SH3RF3: variants seen among roughly 807,000 people sequenced by gnomAD.
SH3RF3 encodes the protein SH3 domain containing ring finger 3, also known as E3 ubiquitin-protein ligase SH3RF3.
SH3RF3 carries 29 observed loss-of-function variants against 66.3 expected under a neutral mutation model. The observed-to-expected ratio is 0.44, with a 90% CI of 0.33 to 0.60. SH3RF3 has a LOEUF of 0.60. Among genes scored for constraint, SH3RF3 ranks in the 20% least tolerant of loss-of-function variants. The probability of loss-of-function intolerance (pLI) is 0.04; values close to 1 mark genes in which losing one functional copy is unlikely to be tolerated. For missense variants in SH3RF3, 1,194 were observed against 1,190.9 expected, an observed-to-expected ratio of 1.00 and a Z score of -0.04; for synonymous variants, 583 against 532.0, an observed-to-expected ratio of 1.10 and a Z score of -1.32.
chr2:109,233,992 T>C lies in SH3RF3; in HGVS notation c.573+103879T>C, dbSNP rs72952049. On this transcript the variant is annotated intron_variant, in intron 1 of 9. Transcript: ENST00000309415. Reference sequence around the variant, plus strand: ...AATTGTTTCCAGTTTTTGGCAGTCATTGATAAAGCCACAGTAAACATTGAC... The same window carrying C: ...AATTGTTTCCAGTTTTTGGCAGTCACTGATAAAGCCACAGTAAACATTGAC... 8.8e-3 allele frequency among the ~76,000 whole-genome samples: 1,346 copies of C among 152,352 alleles called. 16 individuals carry two copies. Among genetic ancestry groups the C allele is most frequent in the African/African-American group, 0.031 (1,287 of 41,582 alleles).
intron 1 of SH3RF3, among the ~76,000 whole-genome samples, chr2:109,312,807 C>T (rs527642646): frequency 2.4e-4 from 36 of 152,296 alleles, no homozygotes; most frequent in African/African-American, 7.9e-4. Context: ...CCTTTTGGCT[C>T]TTGTGGGTAG....
At chr2:109,267,790 G>A (rs369560886) in intron 1 of SH3RF3, among the ~76,000 whole-genome samples, 16 of 152,156 alleles carry the variant, frequency 1.1e-4, no homozygotes, top group Non-Finnish European at 8.8e-5. Context: ...GAGCGAGGCC[G>A]AGTCAAGCCC....
intron 1 of SH3RF3, among the ~76,000 whole-genome samples, chr2:109,237,572 C>CT (rs1226441934): frequency 5.9e-5 from 9 of 152,316 alleles, no homozygotes; most frequent in Non-Finnish European, 2.9e-5. Context: ...AATTCGCAAA[C>CT]TTTCTTAAAA....
intron 1 of SH3RF3, among the ~76,000 whole-genome samples, chr2:109,337,511 G>A (rs923037437): frequency 2.6e-5 from 4 of 152,210 alleles, no homozygotes; most frequent in Non-Finnish European, 4.4e-5. Flanking sequence ...GAGTCCTGGA[G>A]GCACCCCCGG....
chr2:109,191,737 C>G (rs1231912293), intron 1 of SH3RF3, among the ~76,000 whole-genome samples: 2 of 152,130 alleles, frequency 1.3e-5, no homozygotes, highest in Non-Finnish European at 2.9e-5. Flanking sequence ...GAGGGGAAGC[C>G]CTGAGCCAGG....
intron 1 of SH3RF3, among the ~76,000 whole-genome samples, chr2:109,217,334 C>T (rs1345230901): frequency 1.3e-5 from 2 of 152,130 alleles, no homozygotes; most frequent in Admixed American, 6.5e-5. Context: ...TTTGTAGATA[C>T]GTATTTGGAA....
chr2:109,459,904 G>A (rs564141559), intron 8 of SH3RF3, among the ~76,000 whole-genome samples: 3 of 152,190 alleles, frequency 2.0e-5, no homozygotes, highest in Non-Finnish European at 4.4e-5. Flanking sequence ...CATGAGTCCT[G>A]GCTGTAGGAG....
At chr2:109,424,026 A>C (rs1032344267) in intron 5 of SH3RF3, among the ~76,000 whole-genome samples, 1 of 152,168 alleles carries the variant, frequency 6.6e-6, no homozygotes, top group Non-Finnish European at 1.5e-5. Flanking sequence ...GTTGCAGTGG[A>C]GGGAAGGAGC....
intron 1 of SH3RF3, among the ~76,000 whole-genome samples, chr2:109,255,393 G>A (rs1215273206): frequency 6.6e-6 from 1 of 152,150 alleles, no homozygotes; most frequent in Non-Finnish European, 1.5e-5. Context: ...CCACCACCAG[G>A]GAATGTCTGG....
chr2:109,133,173 G>A (rs1676736277), intron 1 of SH3RF3, among the ~76,000 whole-genome samples: 1 of 152,182 alleles, frequency 6.6e-6, no homozygotes, highest in Admixed American at 6.5e-5. Context: ...AATTCTGTGA[G>A]GGTTACAAGG....
At chr2:109,377,486 G>A (rs941242282) in intron 3 of SH3RF3, among the ~76,000 whole-genome samples, 6 of 152,178 alleles carry the variant, frequency 3.9e-5, no homozygotes, top group African/African-American at 1.4e-4. Flanking sequence ...ACTCTGTGAC[G>A]CCAGACCCAA....
chr2:109,503,807 G>A lies in SH3RF3; in HGVS notation c.*2136G>A, dbSNP rs1271269303. On this transcript the variant is annotated 3_prime_UTR_variant, in exon 10 of 10. Transcript: ENST00000309415. ...GAACGTTCTTACTCTCCCAGGCATGGCCCACGTGGTGCTTCAGGTAGAAAT... is the reference window on the plus strand; with the variant it reads ...GAACGTTCTTACTCTCCCAGGCATGACCCACGTGGTGCTTCAGGTAGAAAT... The A allele has an allele frequency of 6.6e-6, 1 of 152,180 alleles. No individual in the cohort carries two copies. The highest frequency in any genetic ancestry group is 1.9e-4 in the East Asian group (1 of 5,196). The allele number at this position is 152,180 out of a possible 1,614,324, so 9.4% of individuals were successfully genotyped here.
chr2:109,235,804 G>A (rs1443138135), intron 1 of SH3RF3, among the ~76,000 whole-genome samples: 2 of 152,140 alleles, frequency 1.3e-5, no homozygotes, highest in African/African-American at 2.4e-5. Flanking sequence ...TCATCTTCAC[G>A]TGCACTCGGC....
intron 4 of SH3RF3, among the ~76,000 whole-genome samples, chr2:109,416,390 T>G (rs1029109403): frequency 1.3e-5 from 2 of 150,816 alleles, no homozygotes; most frequent in Non-Finnish European, 3.0e-5. Context: ...AGGTCAGGAG[T>G]TCAAGACTAG....
chr2:109,364,224 T>A (rs998141269), intron 2 of SH3RF3, among the ~76,000 whole-genome samples: 1 of 151,962 alleles, frequency 6.6e-6, no homozygotes. Flanking sequence ...TATTGAGATA[T>A]CCTCAAGCTC....
At chr2:109,370,899 T>A (rs1683258952) in intron 2 of SH3RF3, among the ~76,000 whole-genome samples, 1 of 152,346 alleles carries the variant, frequency 6.6e-6, no homozygotes, top group African/African-American at 2.4e-5. Flanking sequence ...ATAAATGTAG[T>A]TGGACTGAGT....
intron 1 of SH3RF3, among the ~76,000 whole-genome samples, chr2:109,220,156 C>T (rs1679198127): frequency 6.6e-6 from 1 of 152,144 alleles, no homozygotes; most frequent in African/African-American, 2.4e-5. Flanking sequence ...AACAAAGAAG[C>T]CAAGATCAGT....
chr2:109,456,852 T>G (rs1363096841), intron 8 of SH3RF3, among the ~76,000 whole-genome samples: 2 of 152,238 alleles, frequency 1.3e-5, no homozygotes, highest in Admixed American at 1.3e-4. Flanking sequence ...CTACTGCTAG[T>G]CAGCTTCTCT....
At position 109,129,360 on chromosome 2, in the gene SH3RF3, ACGCAGGCCGGTC is replaced by A. The variant is rs1676620488; in HGVS notation, c.-180_-169del. On this transcript the variant is annotated 5_prime_UTR_variant, in exon 1 of 10. Transcript: ENST00000309415. ...CCCGCCACGCAGGCCGGTCCCCGCC[ACGCAGGCCGGTC>A]GGTGAGCCACTTCGCACCGCCACAG... 1 of 377,902 alleles carries A rather than the reference ACGCAGGCCGGTC, an allele frequency of 2.6e-6. No individual in the cohort carries two copies. Among genetic ancestry groups the A allele is most frequent in the Non-Finnish European group, 4.5e-6 (1 of 224,120 alleles). The allele number at this position is 377,902 out of a possible 1,614,324, so 23.4% of individuals were successfully genotyped here.
Sources: allele counts gnomAD v4.1 joint callset (sites outside exome capture counted in the v4.1 genomes callset), GRCh38; gene constraint gnomAD v4.1.1; transcripts MANE v1.5; gene names NCBI Gene and HGNC (gene_info 2026-07-23, HGNC 2026-07-21).